Variants in ZNF558 observed in about 807,000 individuals in gnomAD.
ZNF558 encodes zinc finger protein 558.
A neutral mutation model predicts 37.6 loss-of-function variants in ZNF558; 23 were observed. That is an observed-to-expected ratio of 0.61 (90% CI 0.44 to 0.87). The LOEUF is 0.87. ZNF558 is among the 40% of genes least tolerant of loss of function. The pLI, the probability that ZNF558 is intolerant of heterozygous loss-of-function variation, is 0.00. For synonymous variants in ZNF558, 189 were observed against 174.4 expected, an observed-to-expected ratio of 1.08 and a Z score of -0.66; for missense variants, 429 against 483.7, an observed-to-expected ratio of 0.89 and a Z score of 1.06.
intron 1 of ZNF558, among the ~76,000 whole-genome samples, 195 bp from the exon 2 acceptor site, chr19:8,831,596 G>C (rs1411697094): frequency 6.6e-6 from 1 of 152,208 alleles, no homozygotes; most frequent in Non-Finnish European, 1.5e-5. Flanking sequence ...CTCCGTAAGA[G>C]GGGAGAAAGC....
At chr19:8,818,927 G>A (rs2044010921) in intron 7 of ZNF558, among the ~76,000 whole-genome samples, 1 of 152,178 alleles carries the variant, frequency 6.6e-6, no homozygotes, top group African/African-American at 2.4e-5. Context: ...TCATTTGATG[G>A]GGAAAGAATA....
At chr19:8,816,550 T>A (rs2043945140) in intron 7 of ZNF558, among the ~76,000 whole-genome samples, 1 of 152,164 alleles carries the variant, frequency 6.6e-6, no homozygotes, top group African/African-American at 2.4e-5. Context: ...CAACCAAGAA[T>A]TCTATATCTG....
rs372127028 is a variant in ZNF558 at position 8,822,100 on chromosome 19, G to T, written c.32-9C>A. The T allele has an allele frequency of 6.2e-6, 10 of 1,613,824 alleles. No individual in the cohort carries two copies. The highest frequency in any genetic ancestry group is 8.5e-6 in the Non-Finnish European group (10 of 1,179,912). ...GAACAGGGAAGACGGAGCTGGAGGA[G>T]GAGAAATGAGTCCCATGGATTCAGG... On this transcript the variant is annotated splice_polypyrimidine_tract_variant and intron_variant, in intron 5 of 9. Transcript: ENST00000601372. The surrounding 1 kb of genome is among the most constrained non-coding windows in gnomAD (Gnocchi z 4.4).
chr19:8,819,133 A>AAG lies in ZNF558; in HGVS notation c.247+2045_247+2046dup, dbSNP rs2044016971. ...GCAATGGTTTCTTAGGTATCACACC[A>AAG]AGAGCACAAGCAAAAAAGAAAAACT... On this transcript the variant is annotated intron_variant, in intron 7 of 9. Coordinates refer to ENST00000601372, the MANE Select transcript of ZNF558 (RefSeq NM_144693.3). Among the ~76,000 whole-genome samples, 9 of 152,330 alleles carry AAG rather than the reference A, an allele frequency of 5.9e-5. No homozygotes were observed. The South Asian group carries it at 1.9e-3, about 32-fold the overall frequency.
At position 8,821,219 on chromosome 19, in the gene ZNF558, C is replaced by T. The variant is rs771142883; in HGVS notation, c.208G>A (p.Asp70Asn). Residue 70 changes from aspartate (D) to asparagine (N), a missense_variant, in exon 7 of 10, where the codon GAT (aspartate) becomes AAT (asparagine). Coordinates refer to ENST00000601372, the MANE Select transcript of ZNF558 (RefSeq NM_144693.3). ...TTCCTGCAGTTCTCCAGCATCACAT[C>T]CCTGTACAGTGTCCTTTGGGCAGGG... ...LDPAQRTLYR[D>N]VMLENCRNLA... 6.2e-7 allele frequency: 1 copy of T among 1,614,190 alleles called. No individual in the cohort carries two copies. The highest frequency in any genetic ancestry group is 8.5e-7 in the Non-Finnish European group (1 of 1,180,040).
intron 2 of ZNF558, among the ~76,000 whole-genome samples, chr19:8,827,193 G>A (rs961112758): frequency 3.3e-5 from 5 of 150,988 alleles, no homozygotes; most frequent in African/African-American, 1.2e-4. Context: ...AGTGCTGGAG[G>A]ATGGTCACAG....
chr19:8,823,977 CT>C (rs1250939208), intron 4 of ZNF558, 104 bp downstream of exon 4: 9 of 152,904 alleles, frequency 5.9e-5, no homozygotes, highest in African/African-American at 2.2e-4. Context: ...ACCTCCTCCC[CT>C]GTCCCCTCTG....
chr19:8,816,979 C>G (rs2043955394), intron 7 of ZNF558, among the ~76,000 whole-genome samples: 2 of 151,758 alleles, frequency 1.3e-5, no homozygotes, highest in African/African-American at 4.8e-5. Flanking sequence ...AATTAAAATG[C>G]TTATTAAAAT....
Position 8,811,462 on chromosome 19 carries a change from G to GT in ZNF558, c.1027dup (p.Thr343AsnfsTer10), listed in dbSNP as rs782417660. 1 of 1,613,914 alleles carries GT rather than the reference G, an allele frequency of 6.2e-7. No homozygotes were observed. Among genetic ancestry groups the GT allele is most frequent in the Non-Finnish European group, 8.5e-7 (1 of 1,179,962 alleles). ...ACTGCACTCGTAGGGTTTCTCTCCG[G>GT]TATGTATTCTCTTGTGCACAGTAAG... On this transcript the variant is annotated frameshift_variant, in exon 10 of 10. Transcript: ENST00000601372. LOFTEE classifies it high-confidence loss of function.
In ZNF558 at chr19:8,811,525, C is replaced by T; in HGVS notation, c.965G>A (p.Cys322Tyr). 2 of 1,614,166 alleles carry T rather than the reference C, an allele frequency of 1.2e-6. No individual in the cohort carries two copies. The highest frequency in any genetic ancestry group is 1.7e-6 in the Non-Finnish European group (2 of 1,180,000). The change falls in exon 10 of 10, where the codon TGT (cysteine) becomes TAT (tyrosine). Residue 322 changes from cysteine to tyrosine, a missense_variant. Physicochemically the swap from Cys to Tyr is radical, Grantham distance 194 (BLOSUM62 -2). Transcript: ENST00000601372. ...RTHTGEKPYE[C>Y]NECGKSFSSS... ...GCTGAAGGATTTCCCACACTCGTTACATTCATAGGGTTTTTCTCCAGTATG... is the reference window on the plus strand; with the variant it reads ...GCTGAAGGATTTCCCACACTCGTTATATTCATAGGGTTTTTCTCCAGTATG...
chr19:8,814,666 C>G (rs782557115), intron 7 of ZNF558, among the ~76,000 whole-genome samples: 1 of 152,148 alleles, frequency 6.6e-6, no homozygotes, highest in Non-Finnish European at 1.5e-5. Context: ...AAGGTCAAGG[C>G]ACAGTTAAAT....
chr19:8,816,590 G>A lies in ZNF558; in HGVS notation c.248-3368C>T, dbSNP rs1397515600. Among the ~76,000 whole-genome samples, 4 of 152,100 alleles carry A rather than the reference G, an allele frequency of 2.6e-5. No individual in the cohort carries two copies. In the East Asian group the frequency reaches 7.7e-4, roughly 29 times the overall value. ...AACTCCCCTTCAAAAATAAAGAAATGAAGACCTTCCCATAAACAAAGACTG... is the reference window on the plus strand; with the variant it reads ...AACTCCCCTTCAAAAATAAAGAAATAAAGACCTTCCCATAAACAAAGACTG... On this transcript the variant is annotated intron_variant, in intron 7 of 9. Coordinates refer to ENST00000601372, the MANE Select transcript of ZNF558 (RefSeq NM_144693.3).
At position 8,827,044 on chromosome 19, in the gene ZNF558, A is replaced by G. The variant is rs560529166; in HGVS notation, c.-508-1936T>C. 2.0e-5 allele frequency among the ~76,000 whole-genome samples: 3 copies of G among 152,286 alleles called. No homozygotes were observed. In the East Asian group the frequency reaches 5.8e-4, roughly 29 times the overall value. ...CAGCTCACTGGGCCTCCAAGAAAAA[A>G]ACAAGTAGAGAAGGTACCTGGGACA... On this transcript the variant is annotated intron_variant, in intron 2 of 9. Transcript: ENST00000601372.
intron 7 of ZNF558, 77 bp from the exon 8 acceptor site, chr19:8,813,299 T>A: frequency 8.9e-7 from 1 of 1,127,690 alleles, no homozygotes; most frequent in Non-Finnish European, 1.3e-6. Context: ...AGCCAACATT[T>A]ATGAAGATGG....
Position 8,822,515 on chromosome 19 carries a change from C to T in ZNF558, c.31+114G>A. ...ATCAGACACGGAGGACCTCTGGGCCCCTGGGGCTCCACTCCTGCCTCACCT... is the reference window on the plus strand; with the variant it reads ...ATCAGACACGGAGGACCTCTGGGCCTCTGGGGCTCCACTCCTGCCTCACCT... On this transcript the variant is annotated intron_variant, in intron 5 of 9. Transcript: ENST00000601372. This position sits in a 1 kb window ranked among gnomAD's most constrained non-coding sequence, Gnocchi z 4.4. 2 of 1,489,832 alleles carry T rather than the reference C, an allele frequency of 1.3e-6. No individual in the cohort carries two copies. Among genetic ancestry groups the T allele is most frequent in the African/African-American group, 2.8e-5 (2 of 72,456 alleles). The allele number at this position is 1,489,832 out of a possible 1,614,324, so 92.3% of individuals were successfully genotyped here.
At position 8,811,707 on chromosome 19, in the gene ZNF558, C is replaced by T. The variant is rs1555768132; in HGVS notation, c.783G>A (p.Glu261=). 7 of 1,614,106 alleles carry T rather than the reference C, an allele frequency of 4.3e-6. No homozygotes were observed. The highest frequency in any genetic ancestry group is 5.9e-6 in the Non-Finnish European group (7 of 1,180,024). The stretch of plus-strand genomic sequence containing the variant: ...CACACTGATTACATTCATGGTGATT[C>T]TCCCCCGTGTGAATCCTCTTGTGGC... ...LKSHKRIHTG[E]NHHECNQCGK... Residue 261 remains glutamate (E), a synonymous_variant, in exon 10 of 10, where the codon GAG becomes GAA. Transcript: ENST00000601372.
At chr19:8,835,747 A>C (rs1005026034), upstream of ZNF558, among the ~76,000 whole-genome samples, 6 of 152,254 alleles carry the variant, frequency 3.9e-5, no homozygotes, top group South Asian at 1.2e-3. Flanking sequence ...AGCATTATAC[A>C]TAATAGCCCA....
chr19:8,813,334 A>T lies in ZNF558; in HGVS notation c.248-112T>A. 5 of 775,684 alleles carry T rather than the reference A, an allele frequency of 6.4e-6. No individual in the cohort carries two copies. The South Asian group carries it at 8.2e-5, about 13-fold the overall frequency. 48.1% of individuals were successfully genotyped at this position (775,684 alleles called of 1,614,324 possible). On this transcript the variant is annotated intron_variant, in intron 7 of 9. Transcript: ENST00000601372. ...GAAAAGTGTGACTTTAGGAGCAGTG[A>T]AATAAATTATGCCTTAATTCTTTTC...
intron 6 of ZNF558, chr19:8,821,552 T>C (rs1206812698): frequency 1.7e-5 from 24 of 1,411,366 alleles, no homozygotes; most frequent in Non-Finnish European, 2.2e-5. Context: ...CCTTAGGCCA[T>C]TCCCAGGTCC....
Sources: allele counts gnomAD v4.1 joint callset (sites outside exome capture counted in the v4.1 genomes callset), GRCh38; gene constraint gnomAD v4.1.1; non-coding constraint Gnocchi (gnomAD v3.1); transcripts MANE v1.5; gene names NCBI Gene and HGNC (gene_info 2026-07-23, HGNC 2026-07-21).